The following HECTD4 variants were observed in gnomAD, a reference collection of about 807,000 sequenced individuals.
HECTD4 encodes HECT domain E3 ubiquitin protein ligase 4, also known as probable E3 ubiquitin-protein ligase HECTD4.
HECTD4 carries 114 observed loss-of-function variants against 471.5 expected under a neutral mutation model. The ratio of observed to expected loss-of-function variants is 0.24; its 90% CI spans 0.21 to 0.28. The LOEUF is 0.28. Among genes scored for constraint, HECTD4 ranks in the 10% least tolerant of loss-of-function variants. The pLI is 1.00. For synonymous variants in HECTD4, 2,012 were observed against 2,256.0 expected (o/e 0.89, Z 3.07); for missense variants, 3,866 against 5,651.5 (o/e 0.68, Z 10.13).
intron 4 of HECTD4, among the ~76,000 whole-genome samples, chr12:112,311,619 CAA>C (rs541436680): frequency 1.9e-4 from 9 of 46,690 alleles, no homozygotes; most frequent in Admixed American, 2.5e-4. Context: ...GACCCCATCT[CAA>C]AAAAAAAAAA....
chr12:112,195,577 T>C (rs1374900887), intron 55 of HECTD4, among the ~76,000 whole-genome samples: 2 of 152,120 alleles, frequency 1.3e-5, no homozygotes, highest in Non-Finnish European at 2.9e-5. Context: ...AGAAAATAGA[T>C]TGGTGGTTGT....
chr12:112,365,183 G>A (rs1348187333), intron 1 of HECTD4, among the ~76,000 whole-genome samples: 1 of 152,104 alleles, frequency 6.6e-6, no homozygotes, highest in African/African-American at 2.4e-5. Context: ...ATTAATTCTA[G>A]TATTTTTAAT....
At chr12:112,284,849 G>C (rs1472865140) in intron 7 of HECTD4, among the ~76,000 whole-genome samples, 1 of 151,524 alleles carries the variant, frequency 6.6e-6, no homozygotes, top group African/African-American at 2.4e-5. Flanking sequence ...TCTTTTTTTT[G>C]AGACAGGGTC....
chr12:112,163,246 C>T lies in HECTD4; in HGVS notation c.12916G>A (p.Val4306Met), dbSNP rs2030771431. Residue 4306 changes from valine (V) to methionine (M), a missense_variant, in exon 75 of 76, where the codon GTG becomes ATG. By Grantham distance (21) the Val-to-Met change is conservative. This residue lies in a region of HECTD4 where 715 missense variants were observed against 1,087.6 expected (regional missense o/e 0.66). Transcript: ENST00000682272. The surrounding 1 kb of genome is among the most constrained non-coding windows in gnomAD (Gnocchi z 8.2). ...TGCTGGTCCGTCTCCATCAGCCCCACTTGGTACATGGTGTGGGCCTGGGGA... is the reference window on the plus strand; with the variant it reads ...TGCTGGTCCGTCTCCATCAGCCCCATTTGGTACATGGTGTGGGCCTGGGGA... ...EFLKAHTMYQ[V>M]GLMETDQHIE... 1 of 1,613,634 alleles carries T rather than the reference C, an allele frequency of 6.2e-7. No homozygotes were observed. Among genetic ancestry groups the T allele is most frequent in the South Asian group, 1.1e-5 (1 of 91,060 alleles).
chr12:112,328,971 ACAG>A (rs1202223934), intron 1 of HECTD4, among the ~76,000 whole-genome samples: 2 of 152,226 alleles, frequency 1.3e-5, no homozygotes, highest in Admixed American at 1.3e-4. Flanking sequence ...ACTGCTGGTG[ACAG>A]CAGGATTGTC....
At chr12:112,189,397 A>G in intron 60 of HECTD4, among the ~76,000 whole-genome samples, 1 of 151,600 alleles carries the variant, frequency 6.6e-6, no homozygotes. Context: ...CTAAAAATAC[A>G]AAAAATTGGC....
intron 44 of HECTD4, among the ~76,000 whole-genome samples, chr12:112,221,426 GGGAGTTT>G (rs1436610778): frequency 6.6e-6 from 1 of 151,850 alleles, no homozygotes; most frequent in Non-Finnish European, 1.5e-5. Flanking sequence ...TTTGTAGATA[GGGAGTTT>G]CCTCCATTTT....
intron 1 of HECTD4, among the ~76,000 whole-genome samples, chr12:112,373,195 T>C (rs2036716585): frequency 6.6e-6 from 1 of 152,194 alleles, no homozygotes; most frequent in Admixed American, 6.5e-5. Context: ...CTATCTTACC[T>C]TTGTCAAGTT....
chr12:112,258,157 C>T (rs1370220434), intron 20 of HECTD4, among the ~76,000 whole-genome samples: 1 of 151,526 alleles, frequency 6.6e-6, no homozygotes, highest in East Asian at 2.0e-4. Flanking sequence ...CCACTGCACT[C>T]CAGCCTGGGT....
chr12:112,377,455 C>T (rs1302634599), intron 1 of HECTD4, among the ~76,000 whole-genome samples: 1 of 152,174 alleles, frequency 6.6e-6, no homozygotes, highest in Admixed American at 6.6e-5. Context: ...ATTTTATCCA[C>T]TGCTATATCC....
chr12:112,258,687 A>T, intron 19 of HECTD4, 91 bp from the exon 20 acceptor site: 1 of 982,208 alleles, frequency 1.0e-6, no homozygotes, highest in Non-Finnish European at 1.5e-6. Context: ...CTCTTAAATC[A>T]TCTTTTTACA....
Position 112,179,700 on chromosome 12 carries a change from C to T in HECTD4, c.10988-303G>A, listed in dbSNP as rs78272754. 1.3e-5 allele frequency among the ~76,000 whole-genome samples: 2 copies of T among 152,152 alleles called. No individual in the cohort carries two copies. Among genetic ancestry groups the T allele is most frequent in the East Asian group, 1.9e-4 (1 of 5,182 alleles). ...TGCTCGGGGACGACAGGCCCCTCCC[C>T]GAGGGTGGGCACACCTCAGTGCTCA... On this transcript the variant is annotated intron_variant, in intron 62 of 75. Coordinates refer to ENST00000682272, the MANE Select transcript of HECTD4 (RefSeq NM_001388303.1). This position sits in a 1 kb window ranked among gnomAD's most constrained non-coding sequence, Gnocchi z 4.3.
At chr12:112,240,279 T>C (rs1484435405) in intron 32 of HECTD4, among the ~76,000 whole-genome samples, 1 of 152,178 alleles carries the variant, frequency 6.6e-6, no homozygotes, top group African/African-American at 2.4e-5. Context: ...TAAAACAGAC[T>C]ACTGTAGGAC....
intron 1 of HECTD4, among the ~76,000 whole-genome samples, chr12:112,365,667 A>G (rs1265554736): frequency 1.3e-5 from 2 of 152,112 alleles, no homozygotes; most frequent in African/African-American, 4.8e-5. Flanking sequence ...CAGGCATATA[A>G]TTGTACTCTA....
At chr12:112,340,652 G>A (rs933129685) in intron 1 of HECTD4, among the ~76,000 whole-genome samples, 1 of 152,222 alleles carries the variant, frequency 6.6e-6, no homozygotes, top group South Asian at 2.1e-4. Flanking sequence ...GGATGAGAAC[G>A]CCTGGTCTAT....
intron 9 of HECTD4, among the ~76,000 whole-genome samples, chr12:112,275,621 T>C (rs1440459428): frequency 6.8e-6 from 1 of 147,548 alleles, no homozygotes; most frequent in Non-Finnish European, 1.5e-5. Flanking sequence ...CACACCAGCA[T>C]ATATATATAT....
chr12:112,269,554 C>T, intron 13 of HECTD4, 150 bp downstream of exon 13: 1 of 789,316 alleles, frequency 1.3e-6, no homozygotes, highest in Non-Finnish European at 2.0e-6. Context: ...GGCCACAAAC[C>T]CCTCTCCAGT....
intron 1 of HECTD4, among the ~76,000 whole-genome samples, chr12:112,338,058 G>A (rs1366708157): frequency 2.6e-5 from 4 of 152,178 alleles, no homozygotes; most frequent in Admixed American, 1.3e-4. Flanking sequence ...CTAGAAGTCT[G>A]AAATCGGTAT....
At chr12:112,165,985 A>G (rs1254455048) in intron 72 of HECTD4, among the ~76,000 whole-genome samples, 1 of 152,130 alleles carries the variant, frequency 6.6e-6, no homozygotes, top group East Asian at 1.9e-4. Flanking sequence ...ACAAGTCGAG[A>G]GCACTTCTTC....
Sources: allele counts gnomAD v4.1 joint callset (sites outside exome capture counted in the v4.1 genomes callset), GRCh38; gene constraint gnomAD v4.1.1; regional missense constraint gnomAD v4.1.1; non-coding constraint Gnocchi (gnomAD v3.1); transcripts MANE v1.5; gene names NCBI Gene and HGNC (gene_info 2026-07-23, HGNC 2026-07-21).